DCLK2: variants seen among roughly 807,000 people sequenced by gnomAD.
DCLK2 encodes doublecortin like kinase 2.
Under a neutral mutation model 78.4 loss-of-function variants are expected in DCLK2, and 31 were observed. The ratio of observed to expected loss-of-function variants is 0.40; its 90% CI spans 0.30 to 0.53. The LOEUF (loss-of-function observed/expected upper bound fraction) is 0.53. Ranked by LOEUF, DCLK2 falls within the 20% of genes least tolerant of loss-of-function variation. The pLI, the probability that DCLK2 is intolerant of heterozygous loss-of-function variation, is 0.61. For synonymous variants in DCLK2, 407 were observed against 374.9 expected, an observed-to-expected ratio of 1.09 and a Z score of -0.99; for missense variants, 872 against 973.7, an observed-to-expected ratio of 0.90 and a Z score of 1.39.
chr4:150,120,962 T>C (rs1223666783), intron 2 of DCLK2, among the ~76,000 whole-genome samples: 1 of 152,010 alleles, frequency 6.6e-6, no homozygotes, highest in Admixed American at 6.6e-5. Flanking sequence ...TCCCAGCTAC[T>C]TGGGAGGCTG....
At chr4:150,168,784 T>G (rs1736290974) in intron 2 of DCLK2, among the ~76,000 whole-genome samples, 1 of 152,212 alleles carries the variant, frequency 6.6e-6, no homozygotes. Context: ...TAGTGAGTGC[T>G]CCAGACATGG....
At chr4:150,130,496 A>T (rs1733235991) in intron 2 of DCLK2, among the ~76,000 whole-genome samples, 2 of 152,164 alleles carry the variant, frequency 1.3e-5, no homozygotes, top group Admixed American at 1.3e-4. Context: ...GCAGCAGCAG[A>T]AAAGCAAGTA....
At chr4:150,162,433 G>A in intron 2 of DCLK2, among the ~76,000 whole-genome samples, 1 of 152,154 alleles carries the variant, frequency 6.6e-6, no homozygotes, top group Non-Finnish European at 1.5e-5. Flanking sequence ...ACTTTATTAA[G>A]TAGTATTATC....
At chr4:150,173,964 A>T (rs965000843) in intron 2 of DCLK2, among the ~76,000 whole-genome samples, 1 of 152,330 alleles carries the variant, frequency 6.6e-6, no homozygotes, top group Non-Finnish European at 1.5e-5. Flanking sequence ...CGAAGGGGTT[A>T]TGAATCTTCC....
chr4:150,129,042 T>C (rs1733108713), intron 2 of DCLK2, among the ~76,000 whole-genome samples: 1 of 152,160 alleles, frequency 6.6e-6, no homozygotes, highest in South Asian at 2.1e-4. Flanking sequence ...CATTTTTCAC[T>C]AGCATATACC....
chr4:150,196,933 C>G (rs1739083152), intron 3 of DCLK2, among the ~76,000 whole-genome samples: 2 of 152,140 alleles, frequency 1.3e-5, no homozygotes, highest in African/African-American at 4.8e-5. Flanking sequence ...GCCAGCAGAT[C>G]ACCTGAGATG....
chr4:150,205,791 G>C (rs1203772813), intron 5 of DCLK2, among the ~76,000 whole-genome samples: 1 of 152,210 alleles, frequency 6.6e-6, no homozygotes, highest in Non-Finnish European at 1.5e-5. Context: ...AAAGCGAGTG[G>C]CTCCTAGAGC....
chr4:150,168,004 G>A (rs540769069), intron 2 of DCLK2, among the ~76,000 whole-genome samples: 2 of 152,240 alleles, frequency 1.3e-5, no homozygotes, highest in East Asian at 1.9e-4. Flanking sequence ...GGGAAGAACT[G>A]GGGGAGAAGG....
Position 150,256,216 on chromosome 4 carries a change from G to A in DCLK2, c.2270G>A (p.Arg757Gln), listed in dbSNP as rs748184128. The part of the protein sequence containing the change: ...HPPPAAPGGE[R>Q]AGTWRRHRD Reference sequence around the variant, plus strand: ...CCTCCCGCTGCCCCGGGTGGTGAGCGGGCAGGAACCTGGCGCCGCCACCGA... The same window carrying A: ...CCTCCCGCTGCCCCGGGTGGTGAGCAGGCAGGAACCTGGCGCCGCCACCGA... Residue 757 changes from arginine to glutamine, a missense_variant, in exon 16 of 16, where the codon CGG (arginine) becomes CAG (glutamine). Arg to Gln is a conservative substitution (Grantham distance 43, BLOSUM62 1). Around this residue, in one of 3 missense-constraint regions of DCLK2, gnomAD observed 219 missense variants for 230.1 expected, o/e 0.95. Coordinates refer to ENST00000296550, the MANE Select transcript of DCLK2 (RefSeq NM_001040260.4). 3.3e-5 allele frequency: 50 copies of A among 1,528,418 alleles called. No individual in the cohort carries two copies. The highest frequency in any genetic ancestry group is 4.0e-5 in the Non-Finnish European group (45 of 1,139,220). 94.7% of individuals were successfully genotyped at this position (1,528,418 alleles called of 1,614,324 possible). A position where few individuals can be genotyped will look rare whatever the true frequency, so the allele number is the denominator to read the frequency against.
chr4:150,197,809 A>G (rs985216561), intron 3 of DCLK2, among the ~76,000 whole-genome samples, 193 bp from the exon 4 acceptor site: 11 of 152,080 alleles, frequency 7.2e-5, no homozygotes, highest in South Asian at 2.1e-4. Flanking sequence ...GAGAAAAAAA[A>G]AAAAAAAGAT....
chr4:150,180,424 A>G (rs1047764492), intron 2 of DCLK2, among the ~76,000 whole-genome samples: 3 of 152,098 alleles, frequency 2.0e-5, no homozygotes, highest in South Asian at 2.1e-4. Flanking sequence ...TTGGTTCTCA[A>G]TTGCCTTCTC....
intron 2 of DCLK2, among the ~76,000 whole-genome samples, chr4:150,187,019 T>C (rs1738009117): frequency 6.6e-6 from 1 of 152,184 alleles, no homozygotes; most frequent in South Asian, 2.1e-4. Flanking sequence ...AATGTAATTT[T>C]AGCATAAAAA....
chr4:150,230,793 G>C (rs1741991601), intron 8 of DCLK2, among the ~76,000 whole-genome samples: 1 of 152,182 alleles, frequency 6.6e-6, no homozygotes, highest in East Asian at 1.9e-4. Context: ...AACTTAGACA[G>C]ATGGGCTTGG....
chr4:150,191,762 G>A (rs1738471509), intron 2 of DCLK2, among the ~76,000 whole-genome samples: 1 of 152,066 alleles, frequency 6.6e-6, no homozygotes, highest in African/African-American at 2.4e-5. Context: ...ATTGCAAAAA[G>A]GCACATCATT....
chr4:150,080,115 C>T (rs1729141864), intron 1 of DCLK2, among the ~76,000 whole-genome samples: 1 of 149,590 alleles, frequency 6.7e-6, no homozygotes, highest in Non-Finnish European at 1.5e-5. Context: ...TCAAAAGCCC[C>T]CCCCCCAGGT....
At chr4:150,172,474 G>A in intron 2 of DCLK2, among the ~76,000 whole-genome samples, 1 of 151,932 alleles carries the variant, frequency 6.6e-6, no homozygotes. Context: ...GGGCATCATG[G>A]CGGGCGCCTG....
intron 7 of DCLK2, among the ~76,000 whole-genome samples, 183 bp from the exon 8 acceptor site, chr4:150,224,318 A>C (rs1741430335): frequency 6.6e-6 from 1 of 152,012 alleles, no homozygotes. Context: ...CTGTAATCCC[A>C]ACACTTTGGG....
chr4:150,133,724 A>C (rs1479534477), intron 2 of DCLK2, among the ~76,000 whole-genome samples: 2 of 152,180 alleles, frequency 1.3e-5, no homozygotes, highest in East Asian at 3.8e-4. Flanking sequence ...TTGATAACTG[A>C]TTGTGCTAAT....
chr4:150,239,614 C>A, intron 10 of DCLK2, 128 bp from the exon 11 acceptor site: 2 of 1,276,754 alleles, frequency 1.6e-6, no homozygotes, highest in African/African-American at 1.5e-5. Context: ...AAAAAAAAAT[C>A]ACAAGGAGAG....
Sources: allele counts gnomAD v4.1 joint callset (sites outside exome capture counted in the v4.1 genomes callset), GRCh38; gene constraint gnomAD v4.1.1; regional missense constraint gnomAD v4.1.1; transcripts MANE v1.5; gene names NCBI Gene and HGNC (gene_info 2026-07-23, HGNC 2026-07-21).